The following ATP11C variants were observed in gnomAD, a reference collection of about 807,000 sequenced individuals.
ATP11C encodes the protein phospholipid-transporting ATPase IG.
ATP11C carries 36 observed loss-of-function variants against 97.4 expected under a neutral mutation model. The ratio of observed to expected loss-of-function variants is 0.37; its 90% CI spans 0.28 to 0.49. The LOEUF (loss-of-function observed/expected upper bound fraction) is 0.49, where lower values mean the gene tolerates loss of function less well. ATP11C is among the 20% of genes least tolerant of loss of function. The pLI, the probability that ATP11C is intolerant of heterozygous loss-of-function variation, is 0.98. For missense variants in ATP11C, 730 were observed against 824.6 expected (o/e 0.89, Z 1.40); for synonymous variants, 275 against 290.9 (o/e 0.95, Z 0.56).
intron 1 of ATP11C, among the ~76,000 whole-genome samples, chrX:139,912,217 A>G (rs746733109): frequency 1.3e-4 from 14 of 109,601 alleles, no homozygotes; most frequent in South Asian, 7.8e-4. Flanking sequence ...AATATTGAGT[A>G]AAAAACAATA....
intron 1 of ATP11C, among the ~76,000 whole-genome samples, chrX:139,879,227 T>C (rs1005148959): frequency 4.5e-5 from 5 of 111,305 alleles, no homozygotes; most frequent in African/African-American, 1.6e-4. Flanking sequence ...CCCATGTTCA[T>C]TGTAGGATTA....
At chrX:139,922,651 C>T (rs1337324790) in intron 1 of ATP11C, among the ~76,000 whole-genome samples, 2 of 110,862 alleles carry the variant, frequency 1.8e-5, no homozygotes. Flanking sequence ...CAATAAGTCA[C>T]CAGTCTGCGA....
At chrX:139,842,446 G>A (rs931196660) in intron 1 of ATP11C, among the ~76,000 whole-genome samples, 8 of 112,408 alleles carry the variant, frequency 7.1e-5, no homozygotes, top group Non-Finnish European at 1.1e-4. Flanking sequence ...AGGCTGAGGC[G>A]AAGCCCAATC....
intron 23 of ATP11C, 47 bp from the exon 24 acceptor site, chrX:139,750,199 T>C (rs778958285): frequency 8.9e-7 from 1 of 1,124,114 alleles, no homozygotes; most frequent in Non-Finnish European, 1.2e-6. Context: ...CATGTAACAA[T>C]CATCTACAAG....
chrX:139,851,185 C>A (rs755799179), intron 1 of ATP11C, among the ~76,000 whole-genome samples: 2 of 111,533 alleles, frequency 1.8e-5, no homozygotes, highest in South Asian at 7.6e-4. Flanking sequence ...GGGGCATACT[C>A]CACAGGCTAT....
chrX:139,825,531 T>C (rs192818990), intron 2 of ATP11C, among the ~76,000 whole-genome samples: 178 of 111,915 alleles, frequency 1.6e-3, no homozygotes, highest in African/African-American at 5.4e-3. Flanking sequence ...TAAGAGGAAA[T>C]AGACATTTTT....
chrX:139,809,849 C>T (rs1484994422), intron 5 of ATP11C, among the ~76,000 whole-genome samples: 1 of 110,555 alleles, frequency 9.0e-6, no homozygotes, highest in Non-Finnish European at 1.9e-5. Context: ...GCCTGTAATC[C>T]CAGCTACTTG....
At position 139,731,992 on chromosome X, in the gene ATP11C, T is replaced by A. The variant is rs191719186; in HGVS notation, c.3289-237A>T. On this transcript the variant is annotated intron_variant, in intron 28 of 29. Coordinates refer to ENST00000682941, the MANE Select transcript of ATP11C (RefSeq NM_001353812.2). ...TGTGGTAGAAGTAAACAGACAACAG[T>A]AGTATGTAGTAAACTTGGGTTTTTG... Among the ~76,000 whole-genome samples the A allele has an allele frequency of 1.4e-4, 16 of 111,492 alleles. No individual in the cohort carries two copies. The East Asian group carries it at 4.5e-3, about 32-fold the overall frequency.
At chrX:139,743,280 A>G (rs1267497388) in intron 26 of ATP11C, among the ~76,000 whole-genome samples, 1 of 110,638 alleles carries the variant, frequency 9.0e-6, no homozygotes, top group Non-Finnish European at 1.9e-5. Context: ...ACAGCAATAA[A>G]GAAGAAACAG....
chrX:139,866,336 T>C (rs2084282224), intron 1 of ATP11C, among the ~76,000 whole-genome samples: 2 of 66,779 alleles, frequency 3.0e-5, no homozygotes, highest in African/African-American at 7.0e-5. Context: ...AGAGAAAGAC[T>C]CTGTCTCAAA....
chrX:139,792,849 C>G (rs1214646536), intron 12 of ATP11C, among the ~76,000 whole-genome samples: 2 of 112,026 alleles, frequency 1.8e-5, no homozygotes, highest in African/African-American at 6.5e-5. Flanking sequence ...TTTGCAATAT[C>G]CTTTATATGA....
At chrX:139,924,731 T>C (rs1327182574) in intron 1 of ATP11C, among the ~76,000 whole-genome samples, 1 of 111,246 alleles carries the variant, frequency 9.0e-6, no homozygotes. Flanking sequence ...GAATCTCTAA[T>C]AAGCTTCCCT....
At chrX:139,868,974 G>C (rs781491233) in intron 1 of ATP11C, among the ~76,000 whole-genome samples, 34 of 112,087 alleles carry the variant, frequency 3.0e-4, no homozygotes, top group African/African-American at 9.4e-4. Flanking sequence ...GATAAAATGT[G>C]TCAGTGAGGA....
In ATP11C at chrX:139,855,048, A is replaced by G. The variant is rs1003375872; in HGVS notation, c.28-28225T>C. Among the ~76,000 whole-genome samples, 3 of 112,491 alleles carry G rather than the reference A, an allele frequency of 2.7e-5. No individual in the cohort carries two copies. The Admixed American group carries it at 2.8e-4, about 11-fold the overall frequency. On this transcript the variant is annotated intron_variant, in intron 1 of 29. Transcript: ENST00000682941. ...ATTAAAAATTGAATAAATTATGTCT[A>G]TAAGTTTTATTAAAACTAAGTTTAA...
chrX:139,793,165 T>C (rs768289570), intron 12 of ATP11C, among the ~76,000 whole-genome samples: 1 of 112,007 alleles, frequency 8.9e-6, no homozygotes, highest in Non-Finnish European at 1.9e-5. Context: ...AGTCTCTGTG[T>C]TGTTTGCTGT....
intron 23 of ATP11C, among the ~76,000 whole-genome samples, chrX:139,755,971 C>T (rs2081926406): frequency 8.9e-6 from 1 of 112,317 alleles, no homozygotes; most frequent in Non-Finnish European, 1.9e-5. Context: ...CAAAAACTGA[C>T]AAATGTTACC....
intron 16 of ATP11C, among the ~76,000 whole-genome samples, chrX:139,783,722 A>C (rs1422834690): frequency 9.0e-6 from 1 of 111,191 alleles, no homozygotes; most frequent in Admixed American, 9.6e-5. Context: ...AAAATTAAAA[A>C]ATTAGCCAGG....
chrX:139,797,800 C>T (rs976630601), intron 10 of ATP11C, among the ~76,000 whole-genome samples: 5 of 111,410 alleles, frequency 4.5e-5, no homozygotes, highest in Non-Finnish European at 7.5e-5. Context: ...GTTATCCATG[C>T]CAAATACAGG....
At chrX:139,856,359 G>A (rs1322505652) in intron 1 of ATP11C, among the ~76,000 whole-genome samples, 2 of 113,021 alleles carry the variant, frequency 1.8e-5, no homozygotes, top group East Asian at 5.6e-4. Context: ...TTGACAGGGA[G>A]GAAACTTATC....
Sources: gnomAD v4.1 joint callset for allele counts (sites outside exome capture counted in the v4.1 genomes callset) on GRCh38, gnomAD v4.1.1 for gene constraint, MANE v1.5 for transcripts, NCBI Gene and HGNC (gene_info 2026-07-23, HGNC 2026-07-21) for gene names.